Variants in AGPAT4 observed in about 807,000 individuals in gnomAD.
AGPAT4 encodes the protein 1-acylglycerol-3-phosphate O-acyltransferase 4.
Under a neutral mutation model 48.0 loss-of-function variants are expected in AGPAT4, and 15 were observed. The observed-to-expected ratio is 0.31, with a 90% CI of 0.21 to 0.48. The LOEUF is 0.48. Among genes scored for constraint, AGPAT4 ranks in the 20% least tolerant of loss-of-function variants. The probability of loss-of-function intolerance (pLI) is 0.99; values close to 1 mark genes in which losing one functional copy is unlikely to be tolerated. For missense variants in AGPAT4, 314 were observed against 482.5 expected (o/e 0.65, Z 3.27); for synonymous variants, 178 against 198.7 (o/e 0.90, Z 0.88).
chr6:161,237,522 A>T lies in AGPAT4; in HGVS notation c.-89-5220T>A, dbSNP rs114518861. Among the ~76,000 whole-genome samples, 1,005 of 152,332 alleles carry T rather than the reference A, an allele frequency of 6.6e-3. 8 individuals are homozygous for T. The highest frequency in any genetic ancestry group is 0.023 in the African/African-American group (958 of 41,570). The stretch of plus-strand genomic sequence containing the variant: ...TAGGGGATGTTGACTATAAGCCAAC[A>T]GTGTACCAAAGGGGTTAAGTCAGCC... On this transcript the variant is annotated intron_variant, in intron 1 of 8. Transcript: ENST00000320285.
chr6:161,228,589 T>C (rs1389500662), intron 2 of AGPAT4, among the ~76,000 whole-genome samples: 1 of 147,178 alleles, frequency 6.8e-6, no homozygotes, highest in Non-Finnish European at 1.5e-5. Flanking sequence ...TTTTTTTTTT[T>C]TTTTTAACCC....
chr6:161,149,901 G>T lies in AGPAT4; in HGVS notation c.665-612C>A, dbSNP rs1401174634. 6.6e-6 allele frequency among the ~76,000 whole-genome samples: 1 copy of T among 152,192 alleles called. No individual in the cohort carries two copies. Among genetic ancestry groups the T allele is most frequent in the Admixed American group, 6.5e-5 (1 of 15,280 alleles). ...TCTAGAGGTACTACGACGATGATTT[G>T]TAACTTTCTAATGTGCCCAGCCTAT... On this transcript the variant is annotated intron_variant, in intron 5 of 8. Transcript: ENST00000320285. The surrounding 1 kb of genome is among the most constrained non-coding windows in gnomAD (Gnocchi z 6.5).
Position 161,218,286 on chromosome 6 carries a change from A to G in AGPAT4, c.178+13750T>C, listed in dbSNP as rs1781711810. Among the ~76,000 whole-genome samples, 1 of 152,212 alleles carries G rather than the reference A, an allele frequency of 6.6e-6. No individual in the cohort carries two copies. The highest frequency in any genetic ancestry group is 1.5e-5 in the Non-Finnish European group (1 of 68,034). ...CTGATTTATAGTTCTGCCGATTTCT[A>G]TGGTGCAAATATTCCCACAAATGTC... On this transcript the variant is annotated intron_variant, in intron 2 of 8. Transcript: ENST00000320285. The surrounding 1 kb of genome is among the most constrained non-coding windows in gnomAD (Gnocchi z 4.7).
rs897722091 is a variant in AGPAT4, at chr6:161,138,207, AT to A, written c.1042+1214del. ...GAGGTGCTTTCTTCTCCAACCTCTT[AT>A]TTTTTTCCCTTACACGGTGTGGGTG... On this transcript the variant is annotated intron_variant, in intron 8 of 8. Transcript: ENST00000320285. This position sits in a 1 kb window ranked among gnomAD's most constrained non-coding sequence, Gnocchi z 4.8. Among the ~76,000 whole-genome samples, 1 of 152,084 alleles carries A rather than the reference AT, an allele frequency of 6.6e-6. No individual in the cohort carries two copies. The highest frequency in any genetic ancestry group is 1.5e-5 in the Non-Finnish European group (1 of 68,002).
In AGPAT4 at chr6:161,218,040, G is replaced by A. The variant is rs566516816; in HGVS notation, c.178+13996C>T. Among the ~76,000 whole-genome samples, 8 of 152,350 alleles carry A rather than the reference G, an allele frequency of 5.3e-5. No individual in the cohort carries two copies. The highest frequency in any genetic ancestry group is 1.9e-4 in the East Asian group (1 of 5,182). On this transcript the variant is annotated intron_variant, in intron 2 of 8. Transcript: ENST00000320285. The surrounding 1 kb of genome is among the most constrained non-coding windows in gnomAD (Gnocchi z 4.7). ...CCAATTGAACACGTATGCATTCACC[G>A]GGAATGCCCTGTGATGGCTGGTGTC...
Position 161,171,592 on chromosome 6 carries a change from T to C in AGPAT4, c.179-5175A>G, listed in dbSNP as rs2114984467. 6.6e-6 allele frequency among the ~76,000 whole-genome samples: 1 copy of C among 152,298 alleles called. No individual in the cohort carries two copies. The highest frequency in any genetic ancestry group is 1.9e-4 in the East Asian group (1 of 5,186). ...GCCCCACATCTCAACACTGTTGCAT[T>C]GGGAATTAAATTTCCAGCCGCACAT... is the stretch of plus-strand genomic sequence containing the variant. On this transcript the variant is annotated intron_variant, in intron 2 of 8. Transcript: ENST00000320285. This position sits in a 1 kb window ranked among gnomAD's most constrained non-coding sequence, Gnocchi z 4.4.
At chr6:161,199,302 T>G (rs578056383) in intron 2 of AGPAT4, among the ~76,000 whole-genome samples, 6 of 152,252 alleles carry the variant, frequency 3.9e-5, no homozygotes, top group Non-Finnish European at 8.8e-5. Context: ...TGTTCAAAGC[T>G]CAGGCTAATG....
intron 4 of AGPAT4, 141 bp from the exon 5 acceptor site, chr6:161,153,640 C>T (rs1779660134): frequency 9.7e-7 from 1 of 1,027,418 alleles, no homozygotes; most frequent in Non-Finnish European, 1.4e-6. Context: ...TACATACAGC[C>T]CTGAGGTCAC....
rs974504173 is a variant in AGPAT4, at chr6:161,142,598, G to A, written c.844-2978C>T. Among the ~76,000 whole-genome samples the A allele has an allele frequency of 5.9e-5, 9 of 152,126 alleles. No homozygotes were observed. Among genetic ancestry groups the A allele is most frequent in the Admixed American group, 5.2e-4 (8 of 15,272 alleles). ...TAGGGAGGAAGCGTGCGAAGGAGAC[G>A]TCCACACAGCACGTCCGCTCAGCTT... On this transcript the variant is annotated intron_variant, in intron 7 of 8. Coordinates refer to ENST00000320285, the MANE Select transcript of AGPAT4 (RefSeq NM_020133.3). This position sits in a 1 kb window ranked among gnomAD's most constrained non-coding sequence, Gnocchi z 6.4.
intron 2 of AGPAT4, among the ~76,000 whole-genome samples, chr6:161,188,818 C>T (rs1444193205): frequency 6.6e-6 from 1 of 152,100 alleles, no homozygotes; most frequent in East Asian, 1.9e-4. Context: ...ATGGGGCTTC[C>T]GTAAACATCA....
chr6:161,150,813 C>T (rs1390423712), intron 5 of AGPAT4, among the ~76,000 whole-genome samples: 1 of 152,202 alleles, frequency 6.6e-6, no homozygotes, highest in Non-Finnish European at 1.5e-5. Context: ...TCTACAGGAA[C>T]AGCTGTTCAG....
chr6:161,182,123 A>G (rs1392980882), intron 2 of AGPAT4, among the ~76,000 whole-genome samples: 2 of 152,002 alleles, frequency 1.3e-5, no homozygotes, highest in African/African-American at 4.8e-5. Flanking sequence ...CAGATTCTTG[A>G]TGACACCAGT....
At chr6:161,273,134 C>A (rs1783476525) in intron 1 of AGPAT4, among the ~76,000 whole-genome samples, 1 of 152,190 alleles carries the variant, frequency 6.6e-6, no homozygotes, top group Non-Finnish European at 1.5e-5. Context: ...AGCTTGACCA[C>A]AGGATCAATA....
chr6:161,245,341 C>T lies in AGPAT4; in HGVS notation c.-89-13039G>A, dbSNP rs1782618880. Reference sequence around the variant, plus strand: ...TTCAGGAGGTGATGGATGTGGAAGCCTTCTGCAGGGCAGATGCTTAGGCAT... The same window carrying T: ...TTCAGGAGGTGATGGATGTGGAAGCTTTCTGCAGGGCAGATGCTTAGGCAT... On this transcript the variant is annotated intron_variant, in intron 1 of 8. Transcript: ENST00000320285. This position sits in a 1 kb window ranked among gnomAD's most constrained non-coding sequence, Gnocchi z 5.2. Among the ~76,000 whole-genome samples, 1 of 152,232 alleles carries T rather than the reference C, an allele frequency of 6.6e-6. No individual in the cohort carries two copies.
At chr6:161,153,205 C>G in intron 5 of AGPAT4, 141 bp downstream of exon 5, 1 of 1,208,820 alleles carries the variant, frequency 8.3e-7, no homozygotes, top group Non-Finnish European at 1.1e-6. Flanking sequence ...GTCACAGAGA[C>G]TGGACTTGAG....
rs999289708 is a variant in AGPAT4 at position 161,133,831 on chromosome 6, G to A, written c.*2709C>T. 6.6e-6 allele frequency: 1 copy of A among 152,226 alleles called. No individual in the cohort carries two copies. Among genetic ancestry groups the A allele is most frequent in the African/African-American group, 2.4e-5 (1 of 41,454 alleles). The allele number at this position is 152,226 out of a possible 1,614,324, so 9.4% of individuals were successfully genotyped here. A position where few individuals can be genotyped will look rare whatever the true frequency, so the allele number is the denominator to read the frequency against. ...AAGGTGGGAAAGACAGACAGGAAGT[G>A]TAGCTCTTAGTCTATGGGGCTCTCC... On this transcript the variant is annotated 3_prime_UTR_variant, in exon 9 of 9. Coordinates refer to ENST00000320285, the MANE Select transcript of AGPAT4 (RefSeq NM_020133.3).
intron 2 of AGPAT4, among the ~76,000 whole-genome samples, chr6:161,188,171 A>G (rs913037114): frequency 2.6e-5 from 4 of 152,256 alleles, no homozygotes; most frequent in African/African-American, 9.6e-5. Context: ...TAATTTTTAC[A>G]GGCAGAAATG....
At chr6:161,205,599 T>C (rs1294133051) in intron 2 of AGPAT4, among the ~76,000 whole-genome samples, 1 of 151,970 alleles carries the variant, frequency 6.6e-6, no homozygotes, top group Non-Finnish European at 1.5e-5. Context: ...ACTAGATAAA[T>C]ACCTAGTTTT....
chr6:161,228,910 T>C (rs1442097442), intron 2 of AGPAT4, among the ~76,000 whole-genome samples: 6 of 151,662 alleles, frequency 4.0e-5, no homozygotes, highest in Admixed American at 1.3e-4. Context: ...AAATCATCCA[T>C]CGAGATTACA....
Sources: allele counts gnomAD v4.1 joint callset (sites outside exome capture counted in the v4.1 genomes callset), GRCh38; gene constraint gnomAD v4.1.1; non-coding constraint Gnocchi (gnomAD v3.1); transcripts MANE v1.5; gene names NCBI Gene and HGNC (gene_info 2026-07-23, HGNC 2026-07-21).